The following CAMK1D variants were observed in gnomAD, a reference collection of about 807,000 sequenced individuals.
CAMK1D encodes the protein calcium/calmodulin dependent protein kinase ID.
A neutral mutation model predicts 47.7 loss-of-function variants in CAMK1D; 9 were observed. That is an observed-to-expected ratio of 0.19 (90% confidence interval 0.11 to 0.33). The LOEUF is 0.33. Ranked by LOEUF, CAMK1D falls within the 10% of genes least tolerant of loss-of-function variation. The pLI is 1.00. For synonymous variants in CAMK1D, 184 were observed against 184.9 expected, an observed-to-expected ratio of 0.99 and a Z score of 0.04; for missense variants, 291 against 488.7, an observed-to-expected ratio of 0.60 and a Z score of 3.81.
At chr10:12,681,358 C>A in intron 3 of CAMK1D, among the ~76,000 whole-genome samples, 1 of 152,282 alleles carries the variant, frequency 6.6e-6, no homozygotes, top group East Asian at 1.9e-4. Flanking sequence ...CTTCCAGCCT[C>A]CCCATGATCA....
intron 1 of CAMK1D, among the ~76,000 whole-genome samples, chr10:12,394,141 G>A (rs1838851188): frequency 6.6e-6 from 1 of 152,162 alleles, no homozygotes; most frequent in African/African-American, 2.4e-5. Context: ...CAGAATCTAG[G>A]GAGACACTTA....
intron 1 of CAMK1D, among the ~76,000 whole-genome samples, chr10:12,473,104 G>A (rs1242972165): frequency 6.6e-6 from 1 of 152,146 alleles, no homozygotes; most frequent in Non-Finnish European, 1.5e-5. Flanking sequence ...GGCAGGAGGG[G>A]AGAGGGTGCG....
intron 3 of CAMK1D, among the ~76,000 whole-genome samples, chr10:12,736,168 C>A (rs575457103): frequency 6.6e-6 from 1 of 152,236 alleles, no homozygotes; most frequent in East Asian, 1.9e-4. Flanking sequence ...AGGCAGCCTA[C>A]GAGTTTCTTC....
At chr10:12,662,834 C>T (rs193021410) in intron 2 of CAMK1D, among the ~76,000 whole-genome samples, 2 of 152,246 alleles carry the variant, frequency 1.3e-5, no homozygotes, top group East Asian at 1.9e-4. Flanking sequence ...TTTCTGTGTG[C>T]CAGTGGTTAT....
chr10:12,788,392 C>A (rs771899868), intron 5 of CAMK1D, among the ~76,000 whole-genome samples: 21 of 152,176 alleles, frequency 1.4e-4, no homozygotes, highest in Non-Finnish European at 2.9e-4. Context: ...CTGGCTGCTG[C>A]GCCATCTCAC....
At chr10:12,536,632 G>A (rs1363695656) in intron 1 of CAMK1D, among the ~76,000 whole-genome samples, 1 of 152,120 alleles carries the variant, frequency 6.6e-6, no homozygotes, top group Non-Finnish European at 1.5e-5. Context: ...ACCTTTACTC[G>A]AAGAGGGGGG....
At chr10:12,445,887 A>G (rs1406703865) in intron 1 of CAMK1D, among the ~76,000 whole-genome samples, 1 of 152,188 alleles carries the variant, frequency 6.6e-6, no homozygotes, top group Non-Finnish European at 1.5e-5. Flanking sequence ...CATAGCAGAT[A>G]TAGACATGTT....
chr10:12,476,876 C>T (rs1833918099), intron 1 of CAMK1D, among the ~76,000 whole-genome samples: 1 of 152,136 alleles, frequency 6.6e-6, no homozygotes, highest in Non-Finnish European at 1.5e-5. Flanking sequence ...TCTGTCTGCT[C>T]CAGGTCCTGT....
intron 5 of CAMK1D, 130 bp downstream of exon 5, chr10:12,769,929 T>TC: frequency 1.1e-6 from 1 of 947,650 alleles, no homozygotes; most frequent in Non-Finnish European, 1.6e-6. Flanking sequence ...TGCCTTCACT[T>TC]CCCCTGGGGG....
chr10:12,824,644 A>C, intron 9 of CAMK1D, 92 bp downstream of exon 9: 1 of 1,031,246 alleles, frequency 9.7e-7, no homozygotes. Flanking sequence ...CCAGAACCTC[A>C]CCTGAATAAT....
intron 3 of CAMK1D, among the ~76,000 whole-genome samples, chr10:12,756,294 C>G (rs777318113): frequency 1.3e-5 from 2 of 152,198 alleles, no homozygotes; most frequent in African/African-American, 4.8e-5. Context: ...AACAGGATAT[C>G]TACCAAAATC....
At chr10:12,776,618 C>A (rs941613797) in intron 5 of CAMK1D, among the ~76,000 whole-genome samples, 1 of 152,118 alleles carries the variant, frequency 6.6e-6, no homozygotes, top group African/African-American at 2.4e-5. Context: ...TTTAAAGACA[C>A]CTTATTGAAT....
intron 8 of CAMK1D, among the ~76,000 whole-genome samples, chr10:12,823,319 CTCTT>C (rs1451626329): frequency 6.6e-6 from 1 of 152,150 alleles, no homozygotes; most frequent in Non-Finnish European, 1.5e-5. Context: ...ATTCATGAAA[CTCTT>C]TCTTAGCCAT....
intron 5 of CAMK1D, among the ~76,000 whole-genome samples, chr10:12,780,205 A>G (rs1837432784): frequency 6.6e-6 from 1 of 152,052 alleles, no homozygotes; most frequent in Non-Finnish European, 1.5e-5. Flanking sequence ...GAGCTCTTGG[A>G]AACCAGGGGT....
chr10:12,400,810 C>G (rs1839149127), intron 1 of CAMK1D, among the ~76,000 whole-genome samples: 1 of 150,934 alleles, frequency 6.6e-6, no homozygotes, highest in Admixed American at 6.7e-5. Flanking sequence ...CAGGACAGAC[C>G]TCTGGTCTAG....
chr10:12,518,865 GAA>G (rs1835293874), intron 1 of CAMK1D, among the ~76,000 whole-genome samples: 1 of 126,164 alleles, frequency 7.9e-6, no homozygotes, highest in Non-Finnish European at 1.7e-5. Flanking sequence ...AGAACAAAAT[GAA>G]AAGTCTCCCA....
intron 2 of CAMK1D, among the ~76,000 whole-genome samples, chr10:12,569,702 G>C (rs1348116719): frequency 8.8e-6 from 1 of 114,234 alleles, no homozygotes; most frequent in Admixed American, 1.2e-4. Flanking sequence ...TAGCTTGGGT[G>C]ACAGAACGAG....
At chr10:12,432,513 G>C (rs1832514125) in intron 1 of CAMK1D, among the ~76,000 whole-genome samples, 1 of 152,222 alleles carries the variant, frequency 6.6e-6, no homozygotes, top group South Asian at 2.1e-4. Flanking sequence ...ATGTGTGAAT[G>C]AATGGGCAAG....
At chr10:12,819,523 A>G (rs1314993772) in intron 8 of CAMK1D, among the ~76,000 whole-genome samples, 2 of 152,222 alleles carry the variant, frequency 1.3e-5, no homozygotes, top group South Asian at 2.1e-4. Context: ...CCCCTGGAGA[A>G]TCAGATCATG....
Sources: allele counts gnomAD v4.1 joint callset (sites outside exome capture counted in the v4.1 genomes callset), GRCh38; gene constraint gnomAD v4.1.1; transcripts MANE v1.5; gene names NCBI Gene and HGNC (gene_info 2026-07-23, HGNC 2026-07-21).